The following MTMR9 variants were observed in gnomAD, a reference collection of about 807,000 sequenced individuals.
MTMR9 encodes the protein myotubularin-related protein 9.
A neutral mutation model predicts 69.5 loss-of-function variants in MTMR9; 39 were observed. That is an observed-to-expected ratio of 0.56 (90% CI 0.43 to 0.73). The LOEUF is 0.73. MTMR9 is among the 30% of genes least tolerant of loss of function. The pLI is 0.00. For missense variants in MTMR9, 900 were observed against 671.2 expected, an observed-to-expected ratio of 1.34 and a Z score of -3.77; for synonymous variants, 354 against 240.8, an observed-to-expected ratio of 1.47 and a Z score of -4.35.
intron 6 of MTMR9, among the ~76,000 whole-genome samples, chr8:11,312,042 C>A (rs1897950): frequency 0.36 from 54,935 of 151,760 alleles, 11,215 homozygotes; most frequent in East Asian, 0.7. Context: ...TCTTCAGGTT[C>A]CTAATTATTT....
At chr8:11,305,081 T>C in intron 4 of MTMR9, 67 bp downstream of exon 4, 1 of 1,481,928 alleles carries the variant, frequency 6.7e-7, no homozygotes, top group Non-Finnish European at 9.3e-7. Flanking sequence ...CGTAGAAATG[T>C]TCCCTTTTGC....
downstream of MTMR9, chr8:11,331,421 C>T (rs1289368076): frequency 6.2e-7 from 1 of 1,613,974 alleles, no homozygotes. Context: ...GCTGGGCCTG[C>T]TTCTGTGCCC....
At chr8:11,303,315 C>A (rs141291023) in intron 3 of MTMR9, among the ~76,000 whole-genome samples, 1 of 151,442 alleles carries the variant, frequency 6.6e-6, no homozygotes, top group African/African-American at 2.4e-5. Context: ...CCCTGTCATT[C>A]TCCAGAGTAG....
intron 4 of MTMR9, 65 bp downstream of exon 4, chr8:11,305,079 T>G (rs1799890069): frequency 6.7e-7 from 1 of 1,484,080 alleles, no homozygotes; most frequent in Non-Finnish European, 9.2e-7. Flanking sequence ...TTCGTAGAAA[T>G]GTTCCCTTTT....
the MTMR9 span, among the ~76,000 whole-genome samples, chr8:11,334,881 A>G: frequency 6.6e-6 from 1 of 152,234 alleles, no homozygotes; most frequent in Non-Finnish European, 1.5e-5. Flanking sequence ...GCTTTTCACA[A>G]AATCCAAAAC....
At chr8:11,287,756 ATTAT>A (rs1169737542) in intron 1 of MTMR9, among the ~76,000 whole-genome samples, 2,471 of 133,136 alleles carry the variant, frequency 0.019, 36 homozygotes, top group Non-Finnish European at 0.026. Context: ...TTATATATTT[ATTAT>A]TTATTTATTA....
At chr8:11,309,405 T>A (rs1800099851) in intron 5 of MTMR9, 122 bp from the exon 6 acceptor site, 3 of 780,100 alleles carry the variant, frequency 3.8e-6, no homozygotes, top group Non-Finnish European at 6.0e-6. Context: ...GCAGGGTAAA[T>A]ATTTTTATAG....
At chr8:11,286,382 G>A (rs767849471) in intron 1 of MTMR9, among the ~76,000 whole-genome samples, 5 of 151,754 alleles carry the variant, frequency 3.3e-5, no homozygotes, top group Non-Finnish European at 7.4e-5. Flanking sequence ...AGTCTTCAGT[G>A]GGCCCGGCAC....
At chr8:11,307,206 G>C (rs1799971667) in intron 5 of MTMR9, among the ~76,000 whole-genome samples, 1 of 152,072 alleles carries the variant, frequency 6.6e-6, no homozygotes, top group Admixed American at 6.6e-5. Flanking sequence ...CAAGTAGCTG[G>C]GACTACAGGT....
intron 3 of MTMR9, among the ~76,000 whole-genome samples, chr8:11,304,402 A>T (rs1799862502): frequency 6.6e-6 from 1 of 152,198 alleles, no homozygotes; most frequent in Admixed American, 6.5e-5. Flanking sequence ...GACCCAGAAA[A>T]GGAAGAAGTA....
At chr8:11,304,784 G>C (rs1799878156) in intron 3 of MTMR9, 57 bp from the exon 4 acceptor site, 1 of 1,557,372 alleles carries the variant, frequency 6.4e-7, no homozygotes, top group Non-Finnish European at 8.7e-7. Flanking sequence ...AAATTTCTCA[G>C]ATTATTTTGC....
intron 2 of MTMR9, among the ~76,000 whole-genome samples, chr8:11,298,510 GT>G (rs1418080504): frequency 3.9e-5 from 6 of 152,102 alleles, no homozygotes; most frequent in Non-Finnish European, 5.9e-5. Flanking sequence ...GGATGGAGAT[GT>G]TTTTGCTACA....
chr8:11,287,877 A>G (rs1176672643), intron 1 of MTMR9, among the ~76,000 whole-genome samples: 1 of 127,590 alleles, frequency 7.8e-6, no homozygotes. Context: ...ATTATAATAT[A>G]TAACATATAT....
chr8:11,303,793 C>G (rs556941874), intron 3 of MTMR9, among the ~76,000 whole-genome samples: 1 of 152,094 alleles, frequency 6.6e-6, no homozygotes, highest in Non-Finnish European at 1.5e-5. Flanking sequence ...CTTGGCCTCC[C>G]AAAGTGCCGG....
downstream of MTMR9, chr8:11,331,610 A>T: frequency 1.2e-6 from 2 of 1,613,128 alleles, no homozygotes; most frequent in South Asian, 1.1e-5. Context: ...GCATCCTAGG[A>T]CTAATCATCA....
chr8:11,314,921 A>C lies in MTMR9; in HGVS notation c.972-2A>C. On this transcript the variant is annotated splice_acceptor_variant, in intron 6 of 9. Coordinates refer to ENST00000221086, the MANE Select transcript of MTMR9 (RefSeq NM_015458.4). LOFTEE classifies it high-confidence loss of function. ...TGTACTCTTCCCTGATTTTCCTATCAGGGAAGGAGCATCAATATTGATTCA... is the reference window on the plus strand; with the variant it reads ...TGTACTCTTCCCTGATTTTCCTATCCGGGAAGGAGCATCAATATTGATTCA... The C allele has an allele frequency of 6.2e-7, 1 of 1,613,276 alleles. No individual in the cohort carries two copies. Among genetic ancestry groups the C allele is most frequent in the Non-Finnish European group, 8.5e-7 (1 of 1,179,364 alleles).
At chr8:11,307,758 T>C (rs1397651878) in intron 5 of MTMR9, among the ~76,000 whole-genome samples, 1 of 152,220 alleles carries the variant, frequency 6.6e-6, no homozygotes, top group African/African-American at 2.4e-5. Context: ...GGTGAGGTGA[T>C]ATCTCATTGT....
In MTMR9 at chr8:11,322,873, G is replaced by T. The variant is rs538261844; in HGVS notation, c.*85G>T. ...TGTGCCCTTCAGTTCACTTTTACAC[G>T]GTAGCCTTGAAGTGAAGGCTTTAGA... On this transcript the variant is annotated 3_prime_UTR_variant, in exon 10 of 10. Coordinates refer to ENST00000221086, the MANE Select transcript of MTMR9 (RefSeq NM_015458.4). 1 of 1,302,400 alleles carries T rather than the reference G, an allele frequency of 7.7e-7. No individual in the cohort carries two copies. The highest frequency in any genetic ancestry group is 1.1e-6 in the Non-Finnish European group (1 of 941,284). The allele number at this position is 1,302,400 out of a possible 1,614,324, so 80.7% of individuals were successfully genotyped here.
chr8:11,337,287 G>A, the MTMR9 span, among the ~76,000 whole-genome samples: 1 of 152,290 alleles, frequency 6.6e-6, no homozygotes, highest in East Asian at 1.9e-4. Context: ...TGTGACATAT[G>A]TTGCCTCCAA....
Sources: gnomAD v4.1 joint callset for allele counts (sites outside exome capture counted in the v4.1 genomes callset) on GRCh38, gnomAD v4.1.1 for gene constraint, MANE v1.5 for transcripts, NCBI Gene and HGNC (gene_info 2026-07-23, HGNC 2026-07-21) for gene names.